GNA14: variants seen among roughly 807,000 people sequenced by gnomAD.
GNA14 encodes guanine nucleotide-binding protein subunit alpha-14.
In GNA14, 50 loss-of-function variants were observed where a neutral mutation model predicts 42.0. The ratio of observed to expected loss-of-function variants is 1.19; its 90% CI spans 0.95 to 1.51. The LOEUF (loss-of-function observed/expected upper bound fraction) is 1.51, where lower values mean the gene tolerates loss of function less well. Among genes scored for constraint, GNA14 ranks in the 40% most tolerant of loss-of-function variants. GNA14 has a pLI of 0.00. For missense variants in GNA14, 473 were observed against 446.2 expected, an observed-to-expected ratio of 1.06 and a Z score of -0.54; for synonymous variants, 173 against 163.1, an observed-to-expected ratio of 1.06 and a Z score of -0.46.
At chr9:77,571,734 A>G (rs1823062453) in intron 1 of GNA14, among the ~76,000 whole-genome samples, 2 of 148,184 alleles carry the variant, frequency 1.3e-5, no homozygotes, top group East Asian at 4.1e-4. Flanking sequence ...CAGCCTGGGC[A>G]ACAAGAGCAA....
intron 3 of GNA14, among the ~76,000 whole-genome samples, chr9:77,432,836 G>T (rs745438239): frequency 1.3e-5 from 2 of 152,130 alleles, no homozygotes; most frequent in Non-Finnish European, 2.9e-5. Flanking sequence ...CTTCACAGAG[G>T]CAGGTAACTC....
intron 2 of GNA14, among the ~76,000 whole-genome samples, chr9:77,516,618 C>T (rs1837262520): frequency 2.0e-5 from 3 of 151,632 alleles, no homozygotes; most frequent in South Asian, 2.1e-4. Context: ...CCTGGCTACT[C>T]GGGAAGCTAA....
intron 2 of GNA14, among the ~76,000 whole-genome samples, chr9:77,469,045 TCCACAA>T (rs1282683961): frequency 6.6e-6 from 1 of 152,208 alleles, no homozygotes; most frequent in East Asian, 1.9e-4. Flanking sequence ...CCTTAGCACG[TCCACAA>T]GGTGCTGCAT....
chr9:77,571,027 A>C (rs2131796225), intron 1 of GNA14, among the ~76,000 whole-genome samples: 1 of 152,262 alleles, frequency 6.6e-6, no homozygotes, highest in Middle Eastern at 3.4e-3. Context: ...TCTATGATAG[A>C]GGTATTATTT....
At chr9:77,426,326 A>G (rs1835453285) in intron 5 of GNA14, among the ~76,000 whole-genome samples, 1 of 151,382 alleles carries the variant, frequency 6.6e-6, no homozygotes, top group African/African-American at 2.4e-5. Context: ...CCTTTCTGAG[A>G]TGGAGTCTCG....
chr9:77,537,100 T>C (rs1231980836), intron 1 of GNA14, among the ~76,000 whole-genome samples: 1 of 152,198 alleles, frequency 6.6e-6, no homozygotes, highest in Non-Finnish European at 1.5e-5. Flanking sequence ...TCCTCTCTTC[T>C]AGCTACTTTG....
intron 3 of GNA14, 24 bp from the exon 4 acceptor site, chr9:77,431,473 T>C: frequency 6.3e-7 from 1 of 1,586,044 alleles, no homozygotes; most frequent in Non-Finnish European, 8.6e-7. Context: ...AACGAGGAAC[T>C]GACTCTCCTT....
At chr9:77,428,577 T>C (rs983794914) in intron 5 of GNA14, among the ~76,000 whole-genome samples, 1 of 152,174 alleles carries the variant, frequency 6.6e-6, no homozygotes, top group African/African-American at 2.4e-5. Context: ...ACCAGGTTTT[T>C]GTTAAGTCCC....
At chr9:77,572,871 T>C (rs1823080337) in intron 1 of GNA14, among the ~76,000 whole-genome samples, 1 of 152,146 alleles carries the variant, frequency 6.6e-6, no homozygotes, top group Non-Finnish European at 1.5e-5. Flanking sequence ...TACTAAATGT[T>C]CCATTGTGGC....
At chr9:77,474,300 C>G (rs1023132598) in intron 2 of GNA14, among the ~76,000 whole-genome samples, 1 of 152,106 alleles carries the variant, frequency 6.6e-6, no homozygotes, top group African/African-American at 2.4e-5. Context: ...GCTTACAACT[C>G]AGTAAGAAAA....
chr9:77,499,186 C>A (rs937569118), intron 2 of GNA14, among the ~76,000 whole-genome samples: 1 of 150,530 alleles, frequency 6.6e-6, no homozygotes, highest in African/African-American at 2.4e-5. Context: ...CCTTTAAGCA[C>A]CCCCTTCAAA....
intron 2 of GNA14, among the ~76,000 whole-genome samples, chr9:77,515,436 G>C (rs77896726): frequency 0.058 from 8,827 of 152,182 alleles, 665 homozygotes; most frequent in African/African-American, 0.18. Context: ...CGGCAGAGCC[G>C]GGCAGCCACT....
chr9:77,632,711 C>T (rs867317594), intron 1 of GNA14, among the ~76,000 whole-genome samples: 10 of 152,252 alleles, frequency 6.6e-5, no homozygotes, highest in South Asian at 2.1e-4. Flanking sequence ...CTGGTCTGGC[C>T]GCAGCCTCAC....
chr9:77,607,723 C>T (rs1031816015), intron 1 of GNA14, among the ~76,000 whole-genome samples: 2 of 152,142 alleles, frequency 1.3e-5, no homozygotes, highest in African/African-American at 2.4e-5. Context: ...AGTCCAAGAT[C>T]AAGATTTTCG....
intron 2 of GNA14, among the ~76,000 whole-genome samples, chr9:77,480,446 G>A (rs62571535): frequency 1.2e-3 from 175 of 152,072 alleles, no homozygotes; most frequent in African/African-American, 3.9e-3. Context: ...TGCTGGATTC[G>A]GTTTGCCAGT....
chr9:77,517,502 G>GCCACACA (rs1837275845), intron 2 of GNA14: 1 of 150,192 alleles, frequency 6.7e-6, no homozygotes, highest in Non-Finnish European at 1.5e-5. Context: ...GCACCTGGAA[G>GCCACACA]CCACACACAT....
chr9:77,581,058 A>G (rs1823217326), intron 1 of GNA14, among the ~76,000 whole-genome samples: 1 of 151,744 alleles, frequency 6.6e-6, no homozygotes, highest in Admixed American at 6.6e-5. Context: ...ACCTTTACTC[A>G]GACTATCTCA....
intron 2 of GNA14, among the ~76,000 whole-genome samples, chr9:77,497,415 T>A (rs1199157417): frequency 6.6e-6 from 1 of 152,122 alleles, no homozygotes; most frequent in Non-Finnish European, 1.5e-5. Context: ...ATGTGACCAC[T>A]CAGGACACTG....
intron 1 of GNA14, among the ~76,000 whole-genome samples, chr9:77,578,732 G>C (rs762327069): frequency 1.3e-5 from 2 of 152,190 alleles, no homozygotes; most frequent in Non-Finnish European, 2.9e-5. Context: ...CCATATTGTA[G>C]TTTGGTTGAA....
Sources: gnomAD v4.1 joint callset for allele counts (sites outside exome capture counted in the v4.1 genomes callset) on GRCh38, gnomAD v4.1.1 for gene constraint, MANE v1.5 for transcripts, NCBI Gene and HGNC (gene_info 2026-07-23, HGNC 2026-07-21) for gene names.